Variants in PPP3CC observed in about 807,000 individuals in gnomAD.
PPP3CC encodes the protein protein phosphatase 3 catalytic subunit gamma.
PPP3CC carries 35 observed loss-of-function variants against 60.3 expected under a neutral mutation model. That is an observed-to-expected ratio of 0.58 (90% CI 0.44 to 0.77). The LOEUF is 0.77. PPP3CC is among the 30% of genes least tolerant of loss of function. The probability of loss-of-function intolerance (pLI) is 0.00; values close to 1 mark genes in which losing one functional copy is unlikely to be tolerated. For missense variants in PPP3CC, 570 were observed against 628.9 expected, an observed-to-expected ratio of 0.91 and a Z score of 1.00; for synonymous variants, 206 against 224.3, an observed-to-expected ratio of 0.92 and a Z score of 0.73.
At chr8:22,504,254 A>C (rs957847366) in intron 4 of PPP3CC, among the ~76,000 whole-genome samples, 2 of 152,172 alleles carry the variant, frequency 1.3e-5, no homozygotes, top group Admixed American at 6.6e-5. Context: ...GGGTAACTGC[A>C]GTATCCATCG....
chr8:22,453,685 G>A (rs979393027), intron 1 of PPP3CC, among the ~76,000 whole-genome samples: 4 of 152,134 alleles, frequency 2.6e-5, no homozygotes, highest in African/African-American at 9.7e-5. Flanking sequence ...ATCTACAAAC[G>A]TAGATGTTAC....
chr8:22,532,061 C>T (rs1351824871), intron 10 of PPP3CC, among the ~76,000 whole-genome samples, 164 bp from the exon 11 acceptor site: 1 of 152,120 alleles, frequency 6.6e-6, no homozygotes, highest in Non-Finnish European at 1.5e-5. Context: ...TTCTCTTGCT[C>T]CTTAGAACTT....
chr8:22,447,403 C>A (rs373399777), intron 1 of PPP3CC, among the ~76,000 whole-genome samples: 1 of 151,790 alleles, frequency 6.6e-6, no homozygotes, highest in Non-Finnish European at 1.5e-5. Flanking sequence ...AGGATGGTCT[C>A]GGTCTCCTGA....
rs144451307 is a variant in PPP3CC at position 22,514,726 on chromosome 8, G to A, written c.770+1294G>A. 7.1e-3 allele frequency among the ~76,000 whole-genome samples: 1,002 copies of A among 141,134 alleles called. 4 individuals are homozygous for A. Among genetic ancestry groups the A allele is most frequent in the Middle Eastern group, 0.016 (4 of 258 alleles). The allele number at this position is 141,134 out of a possible 152,430, so 92.6% of individuals were successfully genotyped here. A position where few individuals can be genotyped will look rare whatever the true frequency, so the allele number is the denominator to read the frequency against. On this transcript the variant is annotated intron_variant, in intron 6 of 13. Coordinates refer to ENST00000240139, the MANE Select transcript of PPP3CC (RefSeq NM_005605.5). ...CCTTTTTTGAGACGGAGTCTTGCTC[G>A]GTCACCCAGGCTGGTGTGATCTCAG...
intron 8 of PPP3CC, among the ~76,000 whole-genome samples, chr8:22,525,771 A>G (rs2449349): frequency 0.49 from 73,785 of 151,290 alleles, 18,143 homozygotes; most frequent in East Asian, 0.6. Context: ...TGTTGCCCAG[A>G]CTGGTCTCAA....
intron 1 of PPP3CC, among the ~76,000 whole-genome samples, chr8:22,473,236 C>T (rs1053214396): frequency 2.6e-5 from 4 of 152,080 alleles, no homozygotes; most frequent in African/African-American, 9.7e-5. Context: ...TTCAATTGAA[C>T]GCCTCCTTTT....
At chr8:22,468,496 T>A (rs1446117207) in intron 1 of PPP3CC, among the ~76,000 whole-genome samples, 1 of 152,240 alleles carries the variant, frequency 6.6e-6, no homozygotes, top group Non-Finnish European at 1.5e-5. Context: ...TAGTTTATTT[T>A]TACATATTTA....
At chr8:22,470,793 AC>A (rs931729753) in intron 1 of PPP3CC, among the ~76,000 whole-genome samples, 6 of 152,184 alleles carry the variant, frequency 3.9e-5, no homozygotes, top group African/African-American at 1.4e-4. Context: ...AGTAACTGGA[AC>A]CCTTACACCT....
Position 22,513,283 on chromosome 8 carries a change from T to A in PPP3CC, c.631-10T>A, listed in dbSNP as rs1839143461. 1 of 1,602,088 alleles carries A rather than the reference T, an allele frequency of 6.2e-7. No homozygotes were observed. The highest frequency in any genetic ancestry group is 8.5e-7 in the Non-Finnish European group (1 of 1,176,576). On this transcript the variant is annotated splice_polypyrimidine_tract_variant and intron_variant, in intron 5 of 13. Coordinates refer to ENST00000240139, the MANE Select transcript of PPP3CC (RefSeq NM_005605.5). The stretch of plus-strand genomic sequence containing the variant: ...TGATTTTTTTCTTTTGGCTTTTGTG[T>A]GTCTTCTAGTTAGACAGGTTTACGG...
chr8:22,532,447 G>T, intron 11 of PPP3CC, 141 bp downstream of exon 11: 1 of 675,818 alleles, frequency 1.5e-6, no homozygotes, highest in Non-Finnish European at 2.5e-6. Flanking sequence ...CAATGAACAT[G>T]TTTAAGCGAC....
chr8:22,443,707 T>A (rs911327062), intron 1 of PPP3CC, among the ~76,000 whole-genome samples: 1 of 152,208 alleles, frequency 6.6e-6, no homozygotes, highest in Non-Finnish European at 1.5e-5. Context: ...CCTTAGAATG[T>A]ATGGATTTCT....
intron 10 of PPP3CC, among the ~76,000 whole-genome samples, chr8:22,531,836 C>T (rs1839724770): frequency 6.6e-6 from 1 of 152,224 alleles, no homozygotes; most frequent in Non-Finnish European, 1.5e-5. Flanking sequence ...AGGCCGAACC[C>T]TGCACCCTAA....
Position 22,475,579 on chromosome 8 carries a change from CCT to C in PPP3CC, c.330_331del (p.Phe111SerfsTer3), listed in dbSNP as rs1226893762. The C allele has an allele frequency of 6.2e-7, 1 of 1,613,222 alleles. No individual in the cohort carries two copies. The highest frequency in any genetic ancestry group is 8.5e-7 in the Non-Finnish European group (1 of 1,179,412). On this transcript the variant is annotated frameshift_variant, in exon 3 of 14. Transcript: ENST00000240139. LOFTEE classifies it high-confidence loss of function. ...GAGGATCACCTAGTAACACACGCTA[CCT>C]CTTTCTGGGTGACTATGTGGACAGA... ...VGGSPSNTRYLFLGDYVDRGY... is the reference protein window; with the variant it reads ...VGGSPSNTRYXFLGDYVDRGY...
chr8:22,503,646 A>G (rs573980531), intron 4 of PPP3CC, among the ~76,000 whole-genome samples: 18 of 152,102 alleles, frequency 1.2e-4, no homozygotes, highest in Non-Finnish European at 1.6e-4. Flanking sequence ...TTGACAGACT[A>G]TTTTTAGAAG....
chr8:22,487,058 A>C (rs1479003910), intron 3 of PPP3CC, among the ~76,000 whole-genome samples: 1 of 152,014 alleles, frequency 6.6e-6, no homozygotes, highest in Non-Finnish European at 1.5e-5. Flanking sequence ...AGGTATTTAA[A>C]TATCTTACAC....
intron 1 of PPP3CC, among the ~76,000 whole-genome samples, chr8:22,446,205 T>C (rs960421338): frequency 2.0e-5 from 3 of 152,280 alleles, no homozygotes; most frequent in African/African-American, 7.2e-5. Flanking sequence ...CACATACCCA[T>C]GTAACCACTC....
chr8:22,500,305 T>C lies in PPP3CC; in HGVS notation c.484+2193T>C, dbSNP rs149223922. ...AGGAAGCTAAACTAAATATCTTGGG[T>C]CCCATCTGGCTCTAAAATCTACCCC... is the stretch of plus-strand genomic sequence containing the variant. On this transcript the variant is annotated intron_variant, in intron 4 of 13. Transcript: ENST00000240139. Among the ~76,000 whole-genome samples the C allele has an allele frequency of 2.4e-3, 370 of 152,252 alleles. 1 individual carries two copies. The highest frequency in any genetic ancestry group is 8.4e-3 in the African/African-American group (348 of 41,546).
chr8:22,455,694 G>T (rs1396699213), intron 1 of PPP3CC, among the ~76,000 whole-genome samples: 1 of 152,124 alleles, frequency 6.6e-6, no homozygotes, highest in Non-Finnish European at 1.5e-5. Context: ...TTACTTAGTT[G>T]GTTCTAGGAG....
rs2117149643 is a variant in PPP3CC at position 22,532,988 on chromosome 8, C to G, written c.1291C>G (p.Leu431Val). ...CACAGGCACACTCCCTCTGGGCGTCCTCTCAGGAGGCAAGCAGACTATCGA... is the reference window on the plus strand; with the variant it reads ...CACAGGCACACTCCCTCTGGGCGTCGTCTCAGGAGGCAAGCAGACTATCGA... ...TPTGTLPLGV[L>V]SGGKQTIETA... The change falls in exon 12 of 14, where the codon CTC becomes GTC. Residue 431 changes from leucine to valine, a missense_variant. By Grantham distance (32) the Leu-to-Val change is conservative. Transcript: ENST00000240139. 3 of 1,606,084 alleles carry G rather than the reference C, an allele frequency of 1.9e-6. No individual in the cohort carries two copies. The highest frequency in any genetic ancestry group is 2.3e-5 in the East Asian group (1 of 44,040).
Sources: allele counts gnomAD v4.1 joint callset (sites outside exome capture counted in the v4.1 genomes callset), GRCh38; gene constraint gnomAD v4.1.1; transcripts MANE v1.5; gene names NCBI Gene and HGNC (gene_info 2026-07-23, HGNC 2026-07-21).